Variants in GPRASP3 observed in about 807,000 individuals in gnomAD.
GPRASP3 encodes the protein G protein-coupled receptor associated sorting protein family member 3.
At chrX:102,728,119 ATGG>A in the GPRASP3 span, among the ~76,000 whole-genome samples, 1 of 111,858 alleles carries the variant, frequency 8.9e-6, no homozygotes, top group Admixed American at 9.5e-5. Flanking sequence ...CTGCCTCTTG[ATGG>A]TGGTGGTGGT....
At chrX:102,723,633 G>T in the GPRASP3 span, among the ~76,000 whole-genome samples, 1 of 111,382 alleles carries the variant, frequency 9.0e-6, no homozygotes. Flanking sequence ...TGCTGACACA[G>T]CTTCAAAAAA....
At chrX:102,724,695 C>A in the GPRASP3 span, among the ~76,000 whole-genome samples, 4 of 107,496 alleles carry the variant, frequency 3.7e-5, no homozygotes, top group Admixed American at 4.0e-4. Flanking sequence ...ATTTTTTAAT[C>A]TCAGCCGAAG....
At chrX:102,741,754 AAAAAC>A in the GPRASP3 span, among the ~76,000 whole-genome samples, 3 of 112,269 alleles carry the variant, frequency 2.7e-5, no homozygotes, top group Non-Finnish European at 5.6e-5. Context: ...GAAAATACTG[AAAAAC>A]AAAACAAAAC....
chrX:102,738,406 C>A, the GPRASP3 span, among the ~76,000 whole-genome samples: 1 of 112,295 alleles, frequency 8.9e-6, no homozygotes, highest in South Asian at 3.7e-4. Flanking sequence ...AGAAGAGATA[C>A]TGGAGTGAAC....
chrX:102,744,201 C>T, the GPRASP3 span, among the ~76,000 whole-genome samples: 2 of 111,879 alleles, frequency 1.8e-5, no homozygotes, highest in Admixed American at 1.9e-4. Flanking sequence ...TCCTTCACTG[C>T]CATAATTTTC....
At chrX:102,725,517 C>T in the GPRASP3 span, among the ~76,000 whole-genome samples, 2 of 109,856 alleles carry the variant, frequency 1.8e-5, no homozygotes, top group Non-Finnish European at 3.8e-5. Context: ...TGCCACTTGG[C>T]CACTTGTTTC....
At chrX:102,750,810 A>G in the GPRASP3 span, 3 of 342,408 alleles carry the variant, frequency 8.8e-6, no homozygotes, top group Non-Finnish European at 1.5e-5. Context: ...TGGGCTGAAA[A>G]TGTTTGATTT....
the GPRASP3 span, among the ~76,000 whole-genome samples, chrX:102,740,653 G>C: frequency 2.7e-5 from 3 of 111,535 alleles, no homozygotes; most frequent in Admixed American, 9.5e-5. Context: ...CTTTCAGACA[G>C]AGAAGTTGAA....
the GPRASP3 span, among the ~76,000 whole-genome samples, chrX:102,730,031 G>A: frequency 8.9e-6 from 1 of 111,742 alleles, no homozygotes; most frequent in Non-Finnish European, 1.9e-5. Context: ...CATGTATTAT[G>A]TACTTTATTT....
At chrX:102,752,408 C>G in the GPRASP3 span, 2 of 123,624 alleles carry the variant, frequency 1.6e-5, no homozygotes, top group African/African-American at 6.5e-5. Flanking sequence ...CTGTAAACAT[C>G]TTTGCATGTC....
the GPRASP3 span, among the ~76,000 whole-genome samples, chrX:102,724,862 GTCC>G: frequency 9.1e-6 from 1 of 110,159 alleles, no homozygotes; most frequent in African/African-American, 3.3e-5. Flanking sequence ...CATTCACTCA[GTCC>G]TCTTGTTCCT....
the GPRASP3 span, among the ~76,000 whole-genome samples, chrX:102,723,692 T>A: frequency 9.0e-6 from 1 of 111,437 alleles, no homozygotes; most frequent in Non-Finnish European, 1.9e-5. Flanking sequence ...GCTAATGAAG[T>A]GACTTATGGT....
chrX:102,743,109 G>C, the GPRASP3 span, among the ~76,000 whole-genome samples: 12 of 110,992 alleles, frequency 1.1e-4, no homozygotes, highest in Admixed American at 6.6e-4. Flanking sequence ...GAGCAGAGGG[G>C]TGACTTTGAG....
At chrX:102,725,270 A>T in the GPRASP3 span, among the ~76,000 whole-genome samples, 1 of 111,861 alleles carries the variant, frequency 8.9e-6, no homozygotes, top group African/African-American at 3.3e-5. Context: ...GTCAAGCCCC[A>T]CTGGAAAATC....
the GPRASP3 span, among the ~76,000 whole-genome samples, chrX:102,746,422 C>A: frequency 8.9e-6 from 1 of 112,821 alleles, no homozygotes; most frequent in African/African-American, 3.2e-5. Context: ...CCGCGCTGAC[C>A]GCCTCCAAGC....
chrX:102,733,799 C>T, the GPRASP3 span, among the ~76,000 whole-genome samples: 2 of 110,405 alleles, frequency 1.8e-5, no homozygotes, highest in African/African-American at 3.3e-5. Context: ...CACTCGCATC[C>T]GTGTGAAGAG....
chrX:102,749,926 G>T, the GPRASP3 span: 1 of 1,209,016 alleles, frequency 8.3e-7, no homozygotes, highest in Non-Finnish European at 1.1e-6. Flanking sequence ...TAAGCCATTT[G>T]CTTGTCCTTG....
At chrX:102,723,303 T>A in the GPRASP3 span, among the ~76,000 whole-genome samples, 1 of 111,924 alleles carries the variant, frequency 8.9e-6, no homozygotes, top group Admixed American at 9.5e-5. Context: ...TTTATAGAGT[T>A]GAAACTATGT....
chrX:102,738,345 A>G, the GPRASP3 span, among the ~76,000 whole-genome samples: 1 of 112,250 alleles, frequency 8.9e-6, no homozygotes, highest in Non-Finnish European at 1.9e-5. Context: ...ATTCTTTACC[A>G]TGTACCCATG....
Sources: gnomAD v4.1 joint callset for allele counts (sites outside exome capture counted in the v4.1 genomes callset) on GRCh38, gnomAD v4.1.1 for gene constraint, MANE v1.5 for transcripts, NCBI Gene and HGNC (gene_info 2026-07-23, HGNC 2026-07-21) for gene names.